SMTN: variants seen among roughly 807,000 people sequenced by gnomAD.
SMTN encodes smoothelin.
A neutral mutation model predicts 102.0 loss-of-function variants in SMTN; 58 were observed. The observed-to-expected ratio is 0.57, with a 90% CI of 0.46 to 0.71. The LOEUF (loss-of-function observed/expected upper bound fraction) is 0.71. Ranked by LOEUF, SMTN falls within the 30% of genes least tolerant of loss-of-function variation. The probability of loss-of-function intolerance (pLI) is 0.00; values close to 1 mark genes in which losing one functional copy is unlikely to be tolerated. For missense variants in SMTN, 1,185 were observed against 1,241.7 expected (o/e 0.95, Z 0.69); for synonymous variants, 478 against 497.9 (o/e 0.96, Z 0.53).
At chr22:31,080,178 G>A (rs933973709), upstream of SMTN, among the ~76,000 whole-genome samples, 5 of 152,164 alleles carry the variant, frequency 3.3e-5, no homozygotes, top group Non-Finnish European at 7.4e-5. Flanking sequence ...CCTTAGATGG[G>A]GGCTGGGGGG....
chr22:31,089,699 G>C lies in SMTN; in HGVS notation c.472G>C (p.Val158Leu). 2 of 1,594,940 alleles carry C rather than the reference G, an allele frequency of 1.3e-6. No homozygotes were observed. The highest frequency in any genetic ancestry group is 1.7e-6 in the Non-Finnish European group (2 of 1,175,124). The stretch of plus-strand genomic sequence containing the variant: ...GTTGCATCCTGTGGGTCCCTTACAG[G>C]TGCCAGAGCGAGAGGAACAGGAACA... ...LAAHRLEQCE[V>L]PEREEQEQQA... The change falls in exon 7 of 21, where the codon GTG becomes CTG. Residue 158 changes from valine (V) to leucine (L), a missense_variant and splice_region_variant. Around this residue, in one of 2 missense-constraint regions of SMTN, gnomAD observed 1,096 missense variants for 1,112.7 expected, o/e 0.98. Transcript: ENST00000333137.
intron 1 of SMTN, chr22:31,067,395 A>C (rs1389498621): frequency 6.6e-6 from 1 of 151,556 alleles, no homozygotes; most frequent in Admixed American, 6.6e-5. Context: ...GCGTGCCACC[A>C]CACCCAGCTA....
chr22:31,083,706 G>A, intron 2 of SMTN: 1 of 181,140 alleles, frequency 5.5e-6, no homozygotes, highest in Admixed American at 5.3e-5. Context: ...GCCTGGCAGG[G>A]GGCAGGCTGG....
chr22:31,104,170 T>C (rs1026034626), intron 20 of SMTN, 146 bp from the exon 21 acceptor site: 2 of 910,952 alleles, frequency 2.2e-6, no homozygotes, highest in African/African-American at 3.3e-5. Flanking sequence ...AGCCAGGGGC[T>C]TCCTGCCTTC....
At chr22:31,099,252 T>A in intron 18 of SMTN, 73 bp downstream of exon 18, 1 of 960,298 alleles carries the variant, frequency 1.0e-6, no homozygotes, top group Non-Finnish European at 1.6e-6. Context: ...TTAGCAGAGC[T>A]CCTATTACCC....
At chr22:31,085,284 G>T in intron 2 of SMTN, 1 of 1,501,232 alleles carries the variant, frequency 6.7e-7, no homozygotes, top group African/African-American at 1.4e-5. Flanking sequence ...CGCCTAGCGC[G>T]AGGCAGGGTG....
chr22:31,094,052 T>C (rs77029864), intron 11 of SMTN, among the ~76,000 whole-genome samples: 6,223 of 152,286 alleles, frequency 0.041, 155 homozygotes, highest in Middle Eastern at 0.088. Context: ...CTGAGGCATG[T>C]GTGGCAGCTG....
In SMTN at chr22:31,095,004, G is replaced by A. The variant is rs2043460196; in HGVS notation, c.1633-299G>A. Reference sequence around the variant, plus strand: ...GCCCGGCCTTCCCTTCTGTTAAATAGGGACAGTAAAGTCCCTAGTGTTTAT... The same window carrying A: ...GCCCGGCCTTCCCTTCTGTTAAATAAGGACAGTAAAGTCCCTAGTGTTTAT... On this transcript the variant is annotated intron_variant, in intron 11 of 20. Coordinates refer to ENST00000333137, the MANE Select transcript of SMTN (RefSeq NM_134269.3). This position sits in a 1 kb window ranked among gnomAD's most constrained non-coding sequence, Gnocchi z 4.1. Among the ~76,000 whole-genome samples the A allele has an allele frequency of 6.6e-6, 1 of 152,114 alleles. No individual in the cohort carries two copies.
chr22:31,074,914 G>A (rs1862620953), intron 1 of SMTN, among the ~76,000 whole-genome samples: 2 of 152,220 alleles, frequency 1.3e-5, no homozygotes, highest in African/African-American at 2.4e-5. Context: ...GGAAACGTGT[G>A]CTGTAAATTA....
In SMTN at chr22:31,095,806, G is replaced by A. The variant is rs956699970; in HGVS notation, c.1861+197G>A. 1.7e-5 allele frequency: 10 copies of A among 598,376 alleles called. No individual in the cohort carries two copies. In the African/African-American group the frequency reaches 1.9e-4, roughly 11 times the overall value. 37.1% of individuals were successfully genotyped at this position (598,376 alleles called of 1,614,324 possible). A position where few individuals can be genotyped will look rare whatever the true frequency, so the allele number is the denominator to read the frequency against. On this transcript the variant is annotated intron_variant, in intron 13 of 20. Coordinates refer to ENST00000333137, the MANE Select transcript of SMTN (RefSeq NM_134269.3). This position sits in a 1 kb window ranked among gnomAD's most constrained non-coding sequence, Gnocchi z 4.1. ...TTCCCTAGCTCCTTCTCTCCCGCTG[G>A]TGACCCCAGTTATTCTCCCCAACCA... is the stretch of plus-strand genomic sequence containing the variant.
At chr22:31,075,897 T>C (rs1377646817) in intron 1 of SMTN, among the ~76,000 whole-genome samples, 2 of 152,188 alleles carry the variant, frequency 1.3e-5, no homozygotes, top group Admixed American at 1.3e-4. Flanking sequence ...TGCAGTACTT[T>C]TAAAGTTCTG....
At chr22:31,097,612 A>T (rs910100762) in intron 16 of SMTN, among the ~76,000 whole-genome samples, 1 of 152,024 alleles carries the variant, frequency 6.6e-6, no homozygotes, top group Non-Finnish European at 1.5e-5. Flanking sequence ...GCCGAGGCAC[A>T]AGAATCACTT....
chr22:31,090,935 G>C, intron 9 of SMTN, 26 bp from the exon 10 acceptor site: 1 of 1,612,532 alleles, frequency 6.2e-7, no homozygotes. Context: ...CCACCCAGTT[G>C]CTGACAGCCC....
Position 31,066,527 on chromosome 22 carries a change from G to A in SMTN, c.-386+2340G>A, listed in dbSNP as rs184743113. On this transcript the variant is annotated intron_variant, in intron 1 of 3. Coordinates refer to the SMTN transcript ENST00000422839. Reference sequence around the variant, plus strand: ...TTCACTGTGTTACCATGCTGGTGTCGAACTCCTGGCTTCAAGTGATCCGCC... The same window carrying A: ...TTCACTGTGTTACCATGCTGGTGTCAAACTCCTGGCTTCAAGTGATCCGCC... 360 of 151,964 alleles carry A rather than the reference G, an allele frequency of 2.4e-3. 4 individuals are homozygous for A. The highest frequency in any genetic ancestry group is 4.4e-3 in the Non-Finnish European group (297 of 68,026). The allele number at this position is 151,964 out of a possible 1,614,324, so 9.4% of individuals were successfully genotyped here.
chr22:31,084,970 G>C, intron 2 of SMTN: 2 of 1,453,404 alleles, frequency 1.4e-6, no homozygotes, highest in East Asian at 2.6e-5. Flanking sequence ...GGAAAAGCTA[G>C]GCCCGCTCCG....
chr22:31,089,265 A>C (rs1430481909), intron 6 of SMTN, among the ~76,000 whole-genome samples: 1 of 152,082 alleles, frequency 6.6e-6, no homozygotes, highest in East Asian at 1.9e-4. Flanking sequence ...TATTTTCCAG[A>C]GTGTGGGTGA....
At chr22:31,064,817 G>A (rs1388466716) in intron 1 of SMTN, 2 of 152,148 alleles carry the variant, frequency 1.3e-5, no homozygotes, top group Non-Finnish European at 2.9e-5. Context: ...AGCTTTCCCT[G>A]ATAGGAACAT....
At position 31,099,048 on chromosome 22, in the gene SMTN, C is replaced by T. The variant is rs1440752487; in HGVS notation, c.2334-14C>T. The T allele has an allele frequency of 6.2e-7, 1 of 1,608,002 alleles. No homozygotes were observed. Among genetic ancestry groups the T allele is most frequent in the South Asian group, 1.1e-5 (1 of 91,050 alleles). ...TTATAGTCGTGTGACCTGGTCCTGA[C>T]ACCGCCCCTACAGCAGCCCTGGCGG... is the stretch of plus-strand genomic sequence containing the variant. On this transcript the variant is annotated splice_polypyrimidine_tract_variant and intron_variant, in intron 17 of 20. Transcript: ENST00000333137.
intron 6 of SMTN, 60 bp from the exon 7 acceptor site, chr22:31,089,639 T>C: frequency 1.3e-6 from 2 of 1,492,532 alleles, no homozygotes; most frequent in Non-Finnish European, 1.8e-6. Flanking sequence ...TGGCCCTCAG[T>C]GGTGGGGGTG....
Sources: gnomAD v4.1 joint callset for allele counts (sites outside exome capture counted in the v4.1 genomes callset) on GRCh38, gnomAD v4.1.1 for gene constraint, gnomAD v4.1.1 regional missense constraint, Gnocchi (gnomAD v3.1) non-coding constraint, MANE v1.5 for transcripts, NCBI Gene and HGNC (gene_info 2026-07-23, HGNC 2026-07-21) for gene names.